KSR2: variants seen among roughly 807,000 people sequenced by gnomAD.
The protein encoded by KSR2 is kinase suppressor of ras 2.
Under a neutral mutation model 107.8 loss-of-function variants are expected in KSR2, and 25 were observed. The ratio of observed to expected loss-of-function variants is 0.23; its 90% CI spans 0.17 to 0.32. The LOEUF is 0.32. KSR2 is among the 10% of genes least tolerant of loss of function. KSR2 has a pLI of 1.00. For missense variants in KSR2, 887 were observed against 1,268.9 expected (o/e 0.70, Z 4.57); for synonymous variants, 480 against 507.0 (o/e 0.95, Z 0.71).
chr12:117,553,121 T>C (rs1245386466), intron 9 of KSR2, among the ~76,000 whole-genome samples: 1 of 152,220 alleles, frequency 6.6e-6, no homozygotes, highest in East Asian at 1.9e-4. Context: ...ACTTGCTCAG[T>C]CTCACAGCTA....
intron 7 of KSR2, among the ~76,000 whole-genome samples, chr12:117,563,066 C>T (rs1398954950): frequency 6.6e-6 from 1 of 152,100 alleles, no homozygotes; most frequent in Non-Finnish European, 1.5e-5. Context: ...TTAATGGAAA[C>T]TGTTCTTCCA....
intron 3 of KSR2, among the ~76,000 whole-genome samples, chr12:117,775,098 A>G (rs772697312): frequency 1.1e-4 from 16 of 152,338 alleles, no homozygotes; most frequent in South Asian, 4.1e-4. Flanking sequence ...GCAAGTGTGC[A>G]TAGTGCTGCT....
intron 3 of KSR2, among the ~76,000 whole-genome samples, chr12:117,848,901 G>A (rs1374768856): frequency 1.4e-5 from 2 of 146,468 alleles, no homozygotes; most frequent in Admixed American, 6.9e-5. Context: ...GGTGGTGGTG[G>A]TGATTTGCCT....
chr12:117,796,124 T>C (rs1890619619), intron 3 of KSR2, among the ~76,000 whole-genome samples: 1 of 150,060 alleles, frequency 6.7e-6, no homozygotes, highest in Admixed American at 6.6e-5. Flanking sequence ...GATGGGGGAG[T>C]CTCACTAGCT....
intron 6 of KSR2, among the ~76,000 whole-genome samples, chr12:117,581,332 C>T (rs1329425672): frequency 6.6e-6 from 1 of 152,132 alleles, no homozygotes; most frequent in Non-Finnish European, 1.5e-5. Flanking sequence ...CCACGAGCTC[C>T]CCAAGGGAAC....
chr12:117,493,324 G>A (rs1872845228), intron 14 of KSR2, among the ~76,000 whole-genome samples: 1 of 152,116 alleles, frequency 6.6e-6, no homozygotes, highest in South Asian at 2.1e-4. Context: ...TCACTCCACT[G>A]CTACAATGAC....
intron 14 of KSR2, among the ~76,000 whole-genome samples, chr12:117,514,246 T>C (rs1399362442): frequency 6.6e-6 from 1 of 152,214 alleles, no homozygotes; most frequent in Non-Finnish European, 1.5e-5. Flanking sequence ...GCCAAAAATC[T>C]CTTAGAACCT....
intron 19 of KSR2, chr12:117,467,841 A>G (rs1460773697): frequency 2.2e-6 from 1 of 451,870 alleles, no homozygotes; most frequent in South Asian, 1.6e-5. Context: ...TAAAAAAAAA[A>G]AATGAATGAA....
At chr12:117,621,072 C>T (rs1381331169) in intron 5 of KSR2, among the ~76,000 whole-genome samples, 4 of 152,098 alleles carry the variant, frequency 2.6e-5, no homozygotes, top group African/African-American at 7.2e-5. Flanking sequence ...GAATTGTAAT[C>T]CCCACGTGTC....
At chr12:117,722,752 T>G (rs1035135638) in intron 4 of KSR2, among the ~76,000 whole-genome samples, 3 of 152,210 alleles carry the variant, frequency 2.0e-5, no homozygotes, top group Non-Finnish European at 4.4e-5. Context: ...TCTAATAAAC[T>G]TGCTTTCACT....
rs185752580 is a variant in KSR2 at position 117,558,261 on chromosome 12, G to C, written c.1393+245C>G. On this transcript the variant is annotated intron_variant, in intron 8 of 19. Coordinates refer to ENST00000339824, the MANE Select transcript of KSR2 (RefSeq NM_173598.6). ...AGGATGAGAGAGCAGGGGTTAAGTG[G>C]GGAGACAAAGGGAGCTAAAGTGTCA... Among the ~76,000 whole-genome samples the C allele has an allele frequency of 1.1e-4, 16 of 152,304 alleles. No homozygotes were observed. In the East Asian group the frequency reaches 2.7e-3, roughly 26 times the overall value.
At chr12:117,521,819 G>A (rs1273057908) in intron 14 of KSR2, among the ~76,000 whole-genome samples, 4 of 152,174 alleles carry the variant, frequency 2.6e-5, no homozygotes, top group Non-Finnish European at 5.9e-5. Context: ...CCAATCGTGC[G>A]AATGCAAGTG....
At chr12:117,916,132 C>CTTTTTTTTTTTTT (rs199898514) in intron 1 of KSR2, among the ~76,000 whole-genome samples, 1 of 125,710 alleles carries the variant, frequency 8.0e-6, no homozygotes, top group African/African-American at 3.2e-5. Context: ...TTTATTTCTT[C>CTTTTTTTTTTTTT]TTCTTTTTTT....
At chr12:117,703,795 A>G (rs561439296) in intron 4 of KSR2, among the ~76,000 whole-genome samples, 21 of 152,284 alleles carry the variant, frequency 1.4e-4, no homozygotes, top group South Asian at 6.2e-4. Flanking sequence ...CGTCCTCCCA[A>G]TCAGGATGCT....
chr12:117,854,865 T>A (rs1462576817), intron 3 of KSR2, among the ~76,000 whole-genome samples: 1 of 149,300 alleles, frequency 6.7e-6, no homozygotes, highest in Non-Finnish European at 1.5e-5. Flanking sequence ...AGAGGTTATT[T>A]TATTAGGTGA....
intron 3 of KSR2, among the ~76,000 whole-genome samples, chr12:117,829,088 T>C (rs1891861269): frequency 1.3e-5 from 2 of 152,184 alleles, no homozygotes; most frequent in African/African-American, 2.4e-5. Context: ...CTAATCACCA[T>C]GGAAGATGAA....
intron 5 of KSR2, among the ~76,000 whole-genome samples, chr12:117,616,193 G>C (rs1398340311): frequency 2.7e-5 from 4 of 150,152 alleles, no homozygotes; most frequent in Admixed American, 1.3e-4. Flanking sequence ...TAAAAAGAAG[G>C]AACTTTTAGT....
intron 1 of KSR2, among the ~76,000 whole-genome samples, chr12:117,946,827 A>G (rs1896192789): frequency 6.6e-6 from 1 of 152,110 alleles, no homozygotes; most frequent in South Asian, 2.1e-4. Flanking sequence ...TCTACATCAA[A>G]CATATTAACA....
At chr12:117,512,267 C>T (rs1032913219) in intron 14 of KSR2, among the ~76,000 whole-genome samples, 1 of 152,200 alleles carries the variant, frequency 6.6e-6, no homozygotes, top group South Asian at 2.1e-4. Flanking sequence ...GACCACTCCC[C>T]TTGCTGGACA....
Sources: allele counts gnomAD v4.1 joint callset (sites outside exome capture counted in the v4.1 genomes callset), GRCh38; gene constraint gnomAD v4.1.1; transcripts MANE v1.5; gene names NCBI Gene and HGNC (gene_info 2026-07-23, HGNC 2026-07-21).